Variants in CCDC171 observed in about 807,000 individuals in gnomAD.
CCDC171 encodes coiled-coil domain containing 171.
In CCDC171, 177 loss-of-function variants were observed where a neutral mutation model predicts 168.2. The observed-to-expected ratio is 1.05, with a 90% CI of 0.93 to 1.19. The LOEUF is 1.19. Ranked by LOEUF, CCDC171 falls within the 50% of genes most tolerant of loss-of-function variation. The probability of loss-of-function intolerance (pLI) is 0.00; values close to 1 mark genes in which losing one functional copy is unlikely to be tolerated. For synonymous variants in CCDC171, 687 were observed against 540.8 expected, an observed-to-expected ratio of 1.27 and a Z score of -3.75; for missense variants, 1,991 against 1,539.0, an observed-to-expected ratio of 1.29 and a Z score of -4.91.
chr9:15,648,619 GC>G (rs1345522242), intron 7 of CCDC171, among the ~76,000 whole-genome samples: 1 of 152,152 alleles, frequency 6.6e-6, no homozygotes, highest in Non-Finnish European at 1.5e-5. Context: ...GAAGCAGAGA[GC>G]CAACTCATGA....
chr9:16,060,055 C>G (rs1056214649), intron 1 of CCDC171, among the ~76,000 whole-genome samples: 8 of 152,170 alleles, frequency 5.3e-5, no homozygotes. Context: ...ACCTCCCTTC[C>G]TTAATTTTTG....
intron 10 of CCDC171, among the ~76,000 whole-genome samples, chr9:15,683,648 C>T (rs1325401328): frequency 2.0e-5 from 3 of 151,978 alleles, no homozygotes; most frequent in African/African-American, 7.2e-5. Context: ...TTTTAGGAGG[C>T]TGACTTCCTA....
chr9:15,705,095 C>CAT (rs1282993980), intron 11 of CCDC171, among the ~76,000 whole-genome samples: 2 of 149,896 alleles, frequency 1.3e-5, no homozygotes, highest in African/African-American at 2.5e-5. Context: ...CCTTACGACA[C>CAT]ACACACACAC....
the CCDC171 span, among the ~76,000 whole-genome samples, chr9:16,094,402 G>A: frequency 6.8e-4 from 103 of 152,270 alleles, no homozygotes; most frequent in African/African-American, 1.8e-3. Flanking sequence ...GCGAGTGCTC[G>A]TTGTGTATCA....
At chr9:15,765,921 A>G (rs979017491) in intron 18 of CCDC171, among the ~76,000 whole-genome samples, 2 of 152,120 alleles carry the variant, frequency 1.3e-5, no homozygotes, top group Non-Finnish European at 2.9e-5. Flanking sequence ...TTATTTATTT[A>G]TTAGCTATTT....
intron 1 of CCDC171, among the ~76,000 whole-genome samples, chr9:16,050,006 C>T (rs1833724823): frequency 6.6e-6 from 1 of 152,208 alleles, no homozygotes; most frequent in South Asian, 2.1e-4. Context: ...CCCACCTTAG[C>T]CTCCCAAGTA....
At chr9:15,593,151 G>T (rs547234938) in intron 5 of CCDC171, among the ~76,000 whole-genome samples, 2 of 151,948 alleles carry the variant, frequency 1.3e-5, no homozygotes, top group Non-Finnish European at 2.9e-5. Context: ...AAGCCTCAAG[G>T]CTCTTTGTGA....
intron 7 of CCDC171, among the ~76,000 whole-genome samples, chr9:15,641,350 C>G (rs551777725): frequency 4.6e-4 from 70 of 152,212 alleles, no homozygotes; most frequent in African/African-American, 1.6e-3. Context: ...AGTTTTTCTT[C>G]TTGACTAATT....
chr9:15,772,397 G>T (rs1588412508), intron 18 of CCDC171, among the ~76,000 whole-genome samples: 1 of 151,922 alleles, frequency 6.6e-6, no homozygotes, highest in East Asian at 1.9e-4. Flanking sequence ...GTGATTTTTA[G>T]ATAAAACATT....
intron 21 of CCDC171, among the ~76,000 whole-genome samples, chr9:15,835,663 G>A (rs2060413222): frequency 6.6e-6 from 1 of 152,214 alleles, no homozygotes; most frequent in Non-Finnish European, 1.5e-5. Context: ...CTGACCTCAA[G>A]TGATCCACCT....
intron 10 of CCDC171, among the ~76,000 whole-genome samples, chr9:15,689,429 G>A (rs930948748): frequency 1.3e-5 from 2 of 152,124 alleles, no homozygotes; most frequent in East Asian, 3.9e-4. Flanking sequence ...AATATAAGGA[G>A]GCCCAGCACA....
At position 15,655,477 on chromosome 9, in the gene CCDC171, A is replaced by G. The variant is rs1317989339; in HGVS notation, c.823-1650A>G. On this transcript the variant is annotated intron_variant, in intron 7 of 25. Transcript: ENST00000380701. ...CTACTTCCCAGGGGTGCATTTTCTG[A>G]ACAAAAATTGTATTCAAAAATAAAG... 1.2e-4 allele frequency among the ~76,000 whole-genome samples: 18 copies of G among 152,164 alleles called. No individual in the cohort carries two copies. The East Asian group carries it at 3.5e-3, about 29-fold the overall frequency.
intron 7 of CCDC171, among the ~76,000 whole-genome samples, chr9:15,649,528 C>A (rs2047331732): frequency 6.6e-6 from 1 of 152,132 alleles, no homozygotes; most frequent in African/African-American, 2.4e-5. Flanking sequence ...CCAGAATCTA[C>A]AATGAACTCA....
chr9:15,725,591 A>T (rs1287880717), intron 14 of CCDC171, among the ~76,000 whole-genome samples: 1 of 152,092 alleles, frequency 6.6e-6, no homozygotes, highest in Non-Finnish European at 1.5e-5. Context: ...CTGGGATTAC[A>T]GGTGTCCACC....
chr9:15,862,663 CT>C (rs1469494019), intron 23 of CCDC171, among the ~76,000 whole-genome samples: 2 of 151,612 alleles, frequency 1.3e-5, no homozygotes, highest in Admixed American at 6.6e-5. Flanking sequence ...CTCTCTCAGA[CT>C]TCAAGGATTG....
At chr9:15,660,496 C>T (rs59228819) in intron 8 of CCDC171, among the ~76,000 whole-genome samples, 3,244 of 152,224 alleles carry the variant, frequency 0.021, 118 homozygotes, top group African/African-American at 0.074. Flanking sequence ...TAGTAGTCCC[C>T]AGTGTGTATT....
Position 15,769,455 on chromosome 9 carries a change from C to T in CCDC171, c.2672-8145C>T, listed in dbSNP as rs142574185. ...TCTGTGGACTTGAATGAGAAAAAAA[C>T]ATCTTGTTTCACTATCTGCCAACAG... is the stretch of plus-strand genomic sequence containing the variant. On this transcript the variant is annotated intron_variant, in intron 18 of 25. Coordinates refer to ENST00000380701, the MANE Select transcript of CCDC171 (RefSeq NM_173550.4). Among the ~76,000 whole-genome samples, 123 of 152,310 alleles carry T rather than the reference C, an allele frequency of 8.1e-4. 1 individual carries two copies. The highest frequency in any genetic ancestry group is 2.6e-3 in the African/African-American group (108 of 41,556).
intron 11 of CCDC171, among the ~76,000 whole-genome samples, chr9:15,705,123 C>T (rs2052113445): frequency 6.7e-6 from 1 of 148,630 alleles, no homozygotes; most frequent in Non-Finnish European, 1.5e-5. Flanking sequence ...CACACACACT[C>T]TCACTCACTC....
intron 23 of CCDC171, among the ~76,000 whole-genome samples, chr9:15,868,216 C>G (rs2061872528): frequency 6.6e-6 from 1 of 151,938 alleles, no homozygotes; most frequent in Non-Finnish European, 1.5e-5. Flanking sequence ...GTTAAATAAC[C>G]TGCCAGCAAA....
Sources: allele counts gnomAD v4.1 joint callset (sites outside exome capture counted in the v4.1 genomes callset), GRCh38; gene constraint gnomAD v4.1.1; transcripts MANE v1.5; gene names NCBI Gene and HGNC (gene_info 2026-07-23, HGNC 2026-07-21).